Variants in ZBED3 observed in about 807,000 individuals in gnomAD.
ZBED3 encodes the protein zinc finger BED-type containing 3.
For synonymous variants in ZBED3, 175 were observed against 180.0 expected, an observed-to-expected ratio of 0.97 and a Z score of 0.22; for missense variants, 388 against 362.9, an observed-to-expected ratio of 1.07 and a Z score of -0.56.
At chr5:77,077,972 C>G (rs1168611465) in intron 2 of ZBED3, 77 bp from the exon 3 acceptor site, 4 of 1,039,388 alleles carry the variant, frequency 3.8e-6, no homozygotes, top group Non-Finnish European at 4.9e-6. Context: ...GCCTAAGAAA[C>G]CATGCCGCCC....
At chr5:77,083,356 C>T (rs117812921) in intron 1 of ZBED3, among the ~76,000 whole-genome samples, 3 of 152,268 alleles carry the variant, frequency 2.0e-5, no homozygotes, top group East Asian at 1.9e-4. Context: ...TGTGTTCACA[C>T]CCAGGATGTC....
chr5:77,075,415 T>A lies in ZBED3; in HGVS notation c.*1759A>T, dbSNP rs1214116743. 7 of 152,196 alleles carry A rather than the reference T, an allele frequency of 4.6e-5. No individual in the cohort carries two copies. The highest frequency in any genetic ancestry group is 2.6e-4 in the Admixed American group (4 of 15,290). 9.4% of individuals were successfully genotyped at this position (152,196 alleles called of 1,614,324 possible). ...CATTCTGGAGACAATTGTTGAATACTGATTAAGGGCTCTGTATTAGAGGCT... is the reference window on the plus strand; with the variant it reads ...CATTCTGGAGACAATTGTTGAATACAGATTAAGGGCTCTGTATTAGAGGCT... On this transcript the variant is annotated 3_prime_UTR_variant, in exon 3 of 3. Coordinates refer to ENST00000255198, the MANE Select transcript of ZBED3 (RefSeq NM_032367.4).
Position 77,077,729 on chromosome 5 carries a change from G to A in ZBED3, c.150C>T (p.Gly50=). ...RLGAPYSEAW[G]YFHLAPGRPG... The stretch of plus-strand genomic sequence containing the variant: ...GGCGCCCCGGCGCCAGGTGGAAGTA[G>A]CCCCAGGCCTCGGAGTATGGCGCCC... The change falls in exon 3 of 3, where the codon GGC becomes GGT. Residue 50 remains glycine (G), a synonymous_variant. Coordinates refer to ENST00000255198, the MANE Select transcript of ZBED3 (RefSeq NM_032367.4). 1 of 1,353,380 alleles carries A rather than the reference G, an allele frequency of 7.4e-7. No homozygotes were observed. Among genetic ancestry groups the A allele is most frequent in the South Asian group, 1.8e-5 (1 of 56,494 alleles). The allele number at this position is 1,353,380 out of a possible 1,614,324, so 83.8% of individuals were successfully genotyped here.
chr5:77,082,004 C>T (rs557963764), intron 1 of ZBED3, among the ~76,000 whole-genome samples: 6 of 152,208 alleles, frequency 3.9e-5, no homozygotes, highest in African/African-American at 1.2e-4. Flanking sequence ...CGGTGGCTCA[C>T]GCCTGTAATC....
In ZBED3 at chr5:77,077,031, G is replaced by A; in HGVS notation, c.*143C>T. ...TCTCAAGCTGAAGCCTTAGGGTGTG[G>A]AAGATCCTACAGTTAGCTGGAGCTT... On this transcript the variant is annotated 3_prime_UTR_variant, in exon 3 of 3. Transcript: ENST00000255198. 2 of 564,638 alleles carry A rather than the reference G, an allele frequency of 3.5e-6. No homozygotes were observed. Among genetic ancestry groups the A allele is most frequent in the Non-Finnish European group, 5.4e-6 (2 of 373,024 alleles). The allele number at this position is 564,638 out of a possible 1,614,324, so 35.0% of individuals were successfully genotyped here. A position where few individuals can be genotyped will look rare whatever the true frequency, so the allele number is the denominator to read the frequency against.
chr5:77,084,570 C>T (rs1018444787), intron 1 of ZBED3, among the ~76,000 whole-genome samples: 1 of 152,190 alleles, frequency 6.6e-6, no homozygotes, highest in African/African-American at 2.4e-5. Flanking sequence ...ATGTCTTTAT[C>T]AGCAGCGCGA....
rs1375704731 is a variant in ZBED3, at chr5:77,077,510, C to T, written c.369G>A (p.Ala123=). 2 of 1,195,738 alleles carry T rather than the reference C, an allele frequency of 1.7e-6. No individual in the cohort carries two copies. The highest frequency in any genetic ancestry group is 1.0e-6 in the Non-Finnish European group (1 of 967,690). 74.1% of individuals were successfully genotyped at this position (1,195,738 alleles called of 1,614,324 possible). A position where few individuals can be genotyped will look rare whatever the true frequency, so the allele number is the denominator to read the frequency against. ...GGCGCGCCCAGTCGCCCTCGGGGGC[C>T]GCAGCGGGGCCGGGCGGCGGCGGGC... ...APCPPPPGPA[A]APEGDWARLL... is the part of the protein sequence containing the mutation. The change falls in exon 3 of 3, where the codon GCG becomes GCA. Residue 123 remains alanine, a synonymous_variant. Transcript: ENST00000255198.
chr5:77,081,184 A>G (rs964350887), intron 1 of ZBED3, among the ~76,000 whole-genome samples: 6 of 152,216 alleles, frequency 3.9e-5, no homozygotes, highest in African/African-American at 1.4e-4. Flanking sequence ...TAAAGTAGCA[A>G]TAAGGTATCG....
chr5:77,076,037 ATATG>A lies in ZBED3; in HGVS notation c.*1133_*1136del, dbSNP rs1441491187. 23 of 87,828 alleles carry A rather than the reference ATATG, an allele frequency of 2.6e-4. 1 individual carries two copies. The highest frequency in any genetic ancestry group is 2.1e-3 in the South Asian group (7 of 3,352). The allele number at this position is 87,828 out of a possible 1,614,324, so 5.4% of individuals were successfully genotyped here. ...TGTATATATGTATATATATATGTAT[ATATG>A]TATATATATATATAATATATACACA... On this transcript the variant is annotated 3_prime_UTR_variant, in exon 3 of 3. Transcript: ENST00000255198.
chr5:77,077,424 C>CGCTCCA lies in ZBED3; in HGVS notation c.449_454dup (p.Leu150_Glu151dup), dbSNP rs1743039723. The CGCTCCA allele has an allele frequency of 2.4e-6, 3 of 1,227,572 alleles. No homozygotes were observed. Among genetic ancestry groups the CGCTCCA allele is most frequent in the Non-Finnish European group, 2.0e-6 (2 of 982,868 alleles). The allele number at this position is 1,227,572 out of a possible 1,614,324, so 76.0% of individuals were successfully genotyped here. ...GCCCTGCTCCACGGCCAGCTCGCGC[C>CGCTCCA]GCTCCAGCTCCCGCTCCCGCCGGCT... On this transcript the variant is annotated inframe_insertion, in exon 3 of 3. Coordinates refer to ENST00000255198, the MANE Select transcript of ZBED3 (RefSeq NM_032367.4).
In ZBED3 at chr5:77,075,945, A is replaced by T. The variant is rs1286156882; in HGVS notation, c.*1229T>A. The stretch of plus-strand genomic sequence containing the variant: ...CTAGAACTTAAAGTATTATATATAC[A>T]TATATATATATATATATATATGTAT... On this transcript the variant is annotated 3_prime_UTR_variant, in exon 3 of 3. Transcript: ENST00000255198. 2.9e-4 allele frequency: 2 copies of T among 6,812 alleles called. 1 individual carries two copies. The allele number at this position is 6,812 out of a possible 1,614,324, so 0.4% of individuals were successfully genotyped here.
At chr5:77,082,603 CTAT>C (rs1743151472) in intron 1 of ZBED3, among the ~76,000 whole-genome samples, 1 of 152,146 alleles carries the variant, frequency 6.6e-6, no homozygotes. Flanking sequence ...TATGATCCCA[CTAT>C]TATTAAGTAA....
chr5:77,082,587 GT>G (rs751957691), intron 1 of ZBED3, among the ~76,000 whole-genome samples: 63 of 152,304 alleles, frequency 4.1e-4, no homozygotes, highest in Non-Finnish European at 7.9e-4. Flanking sequence ...GCAGAAGAGT[GT>G]ATAATATGAT....
chr5:77,077,457 A>G lies in ZBED3; in HGVS notation c.422T>C (p.Val141Ala), dbSNP rs1743042247. 2 of 1,207,754 alleles carry G rather than the reference A, an allele frequency of 1.7e-6. No individual in the cohort carries two copies. Among genetic ancestry groups the G allele is most frequent in the South Asian group, 3.1e-5 (1 of 32,086 alleles). The allele number at this position is 1,207,754 out of a possible 1,614,324, so 74.8% of individuals were successfully genotyped here. The change falls in exon 3 of 3, where the codon GTG becomes GCG. Residue 141 changes from valine (V) to alanine (A), a missense_variant. Val to Ala is a moderately conservative substitution (Grantham distance 64, BLOSUM62 0). Coordinates refer to ENST00000255198, the MANE Select transcript of ZBED3 (RefSeq NM_032367.4). ...CTCCCGCTCCCGCCGGCTGCCGCGC[A>G]CGGCCAGCGCGCCCATCTGTTCCAG... is the stretch of plus-strand genomic sequence containing the variant. ...RLLEQMGALA[V>A]RGSRRERELE...
At position 77,077,239 on chromosome 5, in the gene ZBED3, G is replaced by GCGGC. The variant is rs1197223743; in HGVS notation, c.636_639dup (p.Pro214AlafsTer11). On this transcript the variant is annotated frameshift_variant, in exon 3 of 3. Transcript: ENST00000255198. LOFTEE classifies it low-confidence loss of function (END_TRUNC). ...CCCTCGGGGTCGTCCTTGAGCGGCG[G>GCGGC]CGGCGCAGCGGGGGCCCAGCCCAGG... 1.4e-5 allele frequency: 21 copies of GCGGC among 1,480,414 alleles called. No homozygotes were observed. The highest frequency in any genetic ancestry group is 1.9e-5 in the Non-Finnish European group (21 of 1,120,012). 91.7% of individuals were successfully genotyped at this position (1,480,414 alleles called of 1,614,324 possible).
In ZBED3 at chr5:77,072,734, C is replaced by G. The variant is rs1742908974; in HGVS notation, c.*4440G>C. The G allele has an allele frequency of 6.6e-6, 1 of 152,164 alleles. No homozygotes were observed. The highest frequency in any genetic ancestry group is 2.4e-5 in the African/African-American group (1 of 41,426). The allele number at this position is 152,164 out of a possible 1,614,324, so 9.4% of individuals were successfully genotyped here. A position where few individuals can be genotyped will look rare whatever the true frequency, so the allele number is the denominator to read the frequency against. On this transcript the variant is annotated 3_prime_UTR_variant, in exon 3 of 3. Coordinates refer to ENST00000255198, the MANE Select transcript of ZBED3 (RefSeq NM_032367.4). ...TCAGAAAGAGAATGTCTTGGCAGAT[C>G]TCTGAGGCTTGTGTGTAGGTGTTCT...
rs1300458573 is a variant in ZBED3 at position 77,077,429 on chromosome 5, C to A, written c.450G>T (p.Leu150=). 8.2e-7 allele frequency: 1 copy of A among 1,225,644 alleles called. No homozygotes were observed. The highest frequency in any genetic ancestry group is 2.9e-5 in the South Asian group (1 of 34,864). 75.9% of individuals were successfully genotyped at this position (1,225,644 alleles called of 1,614,324 possible). A position where few individuals can be genotyped will look rare whatever the true frequency, so the allele number is the denominator to read the frequency against. The change falls in exon 3 of 3, where the codon CTG becomes CTT. Residue 150 remains leucine (L), a synonymous_variant. Coordinates refer to ENST00000255198, the MANE Select transcript of ZBED3 (RefSeq NM_032367.4). ...AVRGSRRERE[L]ERRELAVEQG... ...GCTCCACGGCCAGCTCGCGCCGCTCCAGCTCCCGCTCCCGCCGGCTGCCGC... is the reference window on the plus strand; with the variant it reads ...GCTCCACGGCCAGCTCGCGCCGCTCAAGCTCCCGCTCCCGCCGGCTGCCGC...
rs1282197251 is a variant in ZBED3 at position 77,077,663 on chromosome 5, G to A, written c.216C>T (p.Cys72=). 8 of 1,397,288 alleles carry A rather than the reference G, an allele frequency of 5.7e-6. No individual in the cohort carries two copies. Among genetic ancestry groups the A allele is most frequent in the South Asian group, 3.1e-5 (2 of 65,564 alleles). The allele number at this position is 1,397,288 out of a possible 1,614,324, so 86.6% of individuals were successfully genotyped here. Residue 72 remains cysteine (C), a synonymous_variant, in exon 3 of 3, where the codon TGC becomes TGT. Coordinates refer to ENST00000255198, the MANE Select transcript of ZBED3 (RefSeq NM_032367.4). ...PSGHWATCRL[C]GEQVGRGPGF... is the part of the protein sequence containing the mutation. ...CCGGGCCGCGGCCCACCTGCTCCCC[G>A]CACAGACGGCAGGTGGCCCAGTGGC...
chr5:77,083,358 C>T (rs890407123), intron 1 of ZBED3, among the ~76,000 whole-genome samples: 1 of 152,150 alleles, frequency 6.6e-6, no homozygotes, highest in African/African-American at 2.4e-5. Context: ...TGTTCACACC[C>T]AGGATGTCAT....
Sources: allele counts gnomAD v4.1 joint callset (sites outside exome capture counted in the v4.1 genomes callset), GRCh38; gene constraint gnomAD v4.1.1; transcripts MANE v1.5; gene names NCBI Gene and HGNC (gene_info 2026-07-23, HGNC 2026-07-21).